NELL1: variants seen among roughly 807,000 people sequenced by gnomAD.
NELL1 encodes the protein protein kinase C-binding protein NELL1.
A neutral mutation model predicts 107.4 loss-of-function variants in NELL1; 76 were observed. The ratio of observed to expected loss-of-function variants is 0.71; its 90% confidence interval spans 0.59 to 0.86. NELL1 has a LOEUF of 0.86. Ranked by LOEUF, NELL1 falls within the 40% of genes least tolerant of loss-of-function variation. The probability of loss-of-function intolerance (pLI) is 0.00; values close to 1 mark genes in which losing one functional copy is unlikely to be tolerated. For synonymous variants in NELL1, 353 were observed against 341.2 expected (o/e 1.03, Z -0.38); for missense variants, 1,024 against 1,005.5 (o/e 1.02, Z -0.25).
intron 9 of NELL1, among the ~76,000 whole-genome samples, chr11:20,936,345 A>T (rs1174590700): frequency 2.0e-5 from 3 of 152,196 alleles, no homozygotes; most frequent in Non-Finnish European, 1.5e-5. Context: ...CTGTCACAGC[A>T]GTTGTAAGAA....
At chr11:21,086,033 G>C (rs1275923360) in intron 12 of NELL1, among the ~76,000 whole-genome samples, 1 of 152,140 alleles carries the variant, frequency 6.6e-6, no homozygotes, top group Non-Finnish European at 1.5e-5. Context: ...CCATTTTTCA[G>C]AATGCAATAG....
chr11:21,542,117 C>T (rs1037614147), intron 16 of NELL1, among the ~76,000 whole-genome samples: 1 of 152,006 alleles, frequency 6.6e-6, no homozygotes, highest in African/African-American at 2.4e-5. Flanking sequence ...AGACACAGAA[C>T]CAGGAAATTT....
chr11:21,459,121 A>T (rs1310436020), intron 15 of NELL1, among the ~76,000 whole-genome samples: 1 of 152,018 alleles, frequency 6.6e-6, no homozygotes, highest in Non-Finnish European at 1.5e-5. Context: ...GTGGAGCAAC[A>T]TTGGGAAGGA....
intron 12 of NELL1, among the ~76,000 whole-genome samples, chr11:20,995,575 TA>T (rs768549713): frequency 2.2e-4 from 32 of 142,530 alleles, no homozygotes; most frequent in East Asian, 7.9e-4. Flanking sequence ...GAGACTCCAT[TA>T]AAAAAAAAAA....
Position 21,170,030 on chromosome 11 carries a change from A to G in NELL1, c.1426+56316A>G. 4 of 1,192,692 alleles carry G rather than the reference A, an allele frequency of 3.4e-6. No individual in the cohort carries two copies. The South Asian group carries it at 3.6e-5, about 11-fold the overall frequency. The allele number at this position is 1,192,692 out of a possible 1,614,324, so 73.9% of individuals were successfully genotyped here. A position where few individuals can be genotyped will look rare whatever the true frequency, so the allele number is the denominator to read the frequency against. On this transcript the variant is annotated intron_variant, in intron 13 of 19. Transcript: ENST00000357134. ...GCACTCAGATGTGGACAGGGTTGTC[A>G]TCAGCACAGACCACATCCCTGAGCC...
At chr11:20,816,805 G>A (rs1314107827) in intron 3 of NELL1, among the ~76,000 whole-genome samples, 1 of 152,006 alleles carries the variant, frequency 6.6e-6, no homozygotes, top group African/African-American at 2.4e-5. Context: ...TTACTTTGAT[G>A]TATATTTTTT....
intron 2 of NELL1, among the ~76,000 whole-genome samples, chr11:20,689,590 T>C (rs369402397): frequency 0.19 from 28,132 of 145,942 alleles, 3,001 homozygotes; most frequent in African/African-American, 0.25. Context: ...CCAATTGCAT[T>C]CATGTCCCCA....
At position 21,573,219 on chromosome 11, in the gene NELL1, C is replaced by T. The variant is rs1049143325; in HGVS notation, c.2192C>T (p.Pro731Leu). The change falls in exon 19 of 20, where the codon CCC (proline) becomes CTC (leucine). Residue 731 changes from proline to leucine, a missense_variant. Physicochemically the swap from Pro to Leu is moderately conservative, Grantham distance 98. Transcript: ENST00000357134. ...GTAGATTGCTGGCCACTCACTTGCC[C>T]CAACTTGAGCTGTGAGTATACAGCT... ...GEVDCWPLTC[P>L]NLSCEYTAIL... 6 of 1,612,006 alleles carry T rather than the reference C, an allele frequency of 3.7e-6. No individual in the cohort carries two copies. The African/African-American group carries it at 8.0e-5, about 22-fold the overall frequency.
chr11:20,722,362 C>T (rs116984200), intron 2 of NELL1, among the ~76,000 whole-genome samples: 1,983 of 152,236 alleles, frequency 0.013, 16 homozygotes, highest in Middle Eastern at 0.027. Flanking sequence ...ACAGCAGTGT[C>T]ATCCACCTCA....
intron 15 of NELL1, among the ~76,000 whole-genome samples, chr11:21,443,464 G>A (rs1853342803): frequency 1.3e-5 from 2 of 151,882 alleles, no homozygotes; most frequent in African/African-American, 4.8e-5. Flanking sequence ...TTGAATGAGT[G>A]CAGGATGTTT....
intron 15 of NELL1, among the ~76,000 whole-genome samples, chr11:21,503,822 A>G (rs1855212142): frequency 6.6e-6 from 1 of 151,816 alleles, no homozygotes; most frequent in Non-Finnish European, 1.5e-5. Context: ...CCTAGTCCCT[A>G]ATTATGAGCT....
intron 14 of NELL1, among the ~76,000 whole-genome samples, chr11:21,243,453 A>G (rs910044282): frequency 6.6e-6 from 1 of 152,142 alleles, no homozygotes; most frequent in African/African-American, 2.4e-5. Context: ...TCTGTTTTAC[A>G]GATAAGAAAA....
rs558624407 is a variant in NELL1, at chr11:21,390,547, G to A, written c.1645+19599G>A. Among the ~76,000 whole-genome samples the A allele has an allele frequency of 8.2e-5, 12 of 145,732 alleles. No homozygotes were observed. In the East Asian group the frequency reaches 1.3e-3, roughly 16 times the overall value. On this transcript the variant is annotated intron_variant, in intron 15 of 19. Coordinates refer to ENST00000357134, the MANE Select transcript of NELL1 (RefSeq NM_006157.5). ...CACACACACACACACACGTGCGCAC[G>A]CACCCAAACACTTCCCATTTCTCTA...
intron 12 of NELL1, among the ~76,000 whole-genome samples, chr11:21,096,782 A>G (rs1854653267): frequency 6.6e-6 from 1 of 152,030 alleles, no homozygotes; most frequent in Non-Finnish European, 1.5e-5. Context: ...TGGCACAATC[A>G]TGGCTCACTA....
chr11:21,032,215 C>G (rs1222133641), intron 12 of NELL1, among the ~76,000 whole-genome samples: 4 of 152,056 alleles, frequency 2.6e-5, no homozygotes, highest in African/African-American at 7.2e-5. Flanking sequence ...CCTACTCCCC[C>G]AGGAGTCTGT....
At chr11:20,769,374 T>G (rs1328276459) in intron 2 of NELL1, 2 of 152,262 alleles carry the variant, frequency 1.3e-5, no homozygotes, top group East Asian at 3.9e-4. Context: ...AGAGCACGAC[T>G]GTTTGGGAAG....
At position 21,127,671 on chromosome 11, in the gene NELL1, C is replaced by T. The variant is rs559518925; in HGVS notation, c.1426+13957C>T. ...AGGACAGGGAGGAGGAGGAAAATGA[C>T]GACAACCTCTATTAACATTTTGCAT... On this transcript the variant is annotated intron_variant, in intron 13 of 19. Coordinates refer to ENST00000357134, the MANE Select transcript of NELL1 (RefSeq NM_006157.5). Among the ~76,000 whole-genome samples the T allele has an allele frequency of 3.9e-5, 6 of 152,132 alleles. No individual in the cohort carries two copies. The East Asian group carries it at 7.7e-4, about 20-fold the overall frequency.
intron 3 of NELL1, among the ~76,000 whole-genome samples, chr11:20,813,040 A>G (rs868070056): frequency 0.018 from 2,374 of 131,698 alleles, 109 homozygotes; most frequent in African/African-American, 0.062. Context: ...AAAAAAAAAA[A>G]AAAAAAAGAA....
At chr11:20,874,250 T>C (rs1179703562) in intron 4 of NELL1, among the ~76,000 whole-genome samples, 1 of 152,208 alleles carries the variant, frequency 6.6e-6, no homozygotes, top group East Asian at 1.9e-4. Flanking sequence ...GTATTTTTAG[T>C]AGAGTCGAGG....
Sources: gnomAD v4.1 joint callset for allele counts (sites outside exome capture counted in the v4.1 genomes callset) on GRCh38, gnomAD v4.1.1 for gene constraint, MANE v1.5 for transcripts, NCBI Gene and HGNC (gene_info 2026-07-23, HGNC 2026-07-21) for gene names.